NOL10: variants seen among roughly 807,000 people sequenced by gnomAD.
NOL10 encodes H_NH0074G24.1.
NOL10 carries 58 observed loss-of-function variants against 103.5 expected under a neutral mutation model. That is an observed-to-expected ratio of 0.56 (90% confidence interval 0.45 to 0.70). The LOEUF (loss-of-function observed/expected upper bound fraction) is 0.70. NOL10 is among the 30% of genes least tolerant of loss of function. The pLI is 0.00. For missense variants in NOL10, 763 were observed against 807.3 expected (o/e 0.95, Z 0.67); for synonymous variants, 287 against 282.5 (o/e 1.02, Z -0.16).
chr2:10,681,913 C>A, intron 3 of NOL10, 58 bp downstream of exon 3: 2 of 677,380 alleles, frequency 3.0e-6, no homozygotes, highest in South Asian at 4.1e-5. Context: ...AAGACCTTTC[C>A]CATCGCAGCA....
At chr2:10,632,488 G>C (rs1053834405) in intron 13 of NOL10, among the ~76,000 whole-genome samples, 3 of 152,172 alleles carry the variant, frequency 2.0e-5, no homozygotes, top group Non-Finnish European at 2.9e-5. Flanking sequence ...AGTACACCCT[G>C]CAAGATCATC....
At chr2:10,630,897 G>A (rs957180324) in intron 13 of NOL10, among the ~76,000 whole-genome samples, 9 of 152,132 alleles carry the variant, frequency 5.9e-5, no homozygotes, top group African/African-American at 1.4e-4. Context: ...CGACTTTCCC[G>A]TTTACATTCT....
At chr2:10,646,178 A>G (rs1457444862) in intron 12 of NOL10, among the ~76,000 whole-genome samples, 1 of 152,134 alleles carries the variant, frequency 6.6e-6, no homozygotes, top group Non-Finnish European at 1.5e-5. Flanking sequence ...CTAGGTCTCC[A>G]CTAACAACAC....
chr2:10,602,662 T>C (rs1676041740), intron 16 of NOL10, 114 bp downstream of exon 16: 7 of 690,152 alleles, frequency 1.0e-5, no homozygotes, highest in Non-Finnish European at 1.7e-5. Context: ...CAGTAAAAGA[T>C]GCAAATTAAA....
At position 10,587,044 on chromosome 2, in the gene NOL10, T is replaced by TATATATATACAC. The variant is rs1675061775; in HGVS notation, c.1844+1998_1844+1999insGTGTATATATAT. Among the ~76,000 whole-genome samples the TATATATATACAC allele has an allele frequency of 6.9e-5, 4 of 58,264 alleles. 1 individual carries two copies. The highest frequency in any genetic ancestry group is 1.8e-4 in the African/African-American group (3 of 16,798). 38.2% of individuals were successfully genotyped at this position (58,264 alleles called of 152,430 possible). On this transcript the variant is annotated intron_variant, in intron 19 of 20. Coordinates refer to ENST00000381685, the MANE Select transcript of NOL10 (RefSeq NM_024894.4). ...AATAAATAACACAAAAAGTTAAATG[T>TATATATATACAC]ATATATATATACATATATATATACA...
rs1256540086 is a variant in NOL10 at position 10,612,999 on chromosome 2, G to C, written c.1027-5688C>G. Among the ~76,000 whole-genome samples, 5 of 124,196 alleles carry C rather than the reference G, an allele frequency of 4.0e-5. No individual in the cohort carries two copies. The Admixed American group carries it at 4.2e-4, about 10-fold the overall frequency. 81.5% of individuals were successfully genotyped at this position (124,196 alleles called of 152,430 possible). A position where few individuals can be genotyped will look rare whatever the true frequency, so the allele number is the denominator to read the frequency against. ...AGCCTGGGCAACAGAATAAGACCCT[G>C]TTAAAAAAAAAAAAGAGAGAAAGAA... On this transcript the variant is annotated intron_variant, in intron 13 of 20. Transcript: ENST00000381685.
intron 12 of NOL10, 24 bp from the exon 13 acceptor site, chr2:10,644,396 G>C (rs574642212): frequency 9.9e-6 from 15 of 1,510,022 alleles, no homozygotes; most frequent in African/African-American, 7.1e-5. Context: ...CAATGAAAAA[G>C]GTCAATGCAT....
rs375251414 is a variant in NOL10 at position 10,602,781 on chromosome 2, A to T, written c.1327T>A (p.Leu443Ile). ...ATGGTAAGTATAATATTTACCTTTA[A>T]CTGGACTCTCTGTGCACGTGTTTCT... ...IEETRAQRVQLKKLPKVNKEL... is the reference protein window; with the variant it reads ...IEETRAQRVQIKKLPKVNKEL... Residue 443 changes from leucine to isoleucine, a missense_variant, in exon 16 of 21, where the codon TTA becomes ATA. Physicochemically the swap from Leu to Ile is conservative, Grantham distance 5 (BLOSUM62 2). Transcript: ENST00000381685. 1.3e-6 allele frequency: 2 copies of T among 1,580,396 alleles called. No homozygotes were observed. The highest frequency in any genetic ancestry group is 2.7e-5 in the African/African-American group (2 of 74,168).
At chr2:10,580,161 A>AC (rs1198993163) in intron 19 of NOL10, among the ~76,000 whole-genome samples, 5 of 152,232 alleles carry the variant, frequency 3.3e-5, no homozygotes, top group African/African-American at 1.2e-4. Flanking sequence ...CAGCAGTTCC[A>AC]CAGCCTGCTT....
chr2:10,673,741 A>C (rs1681104289), intron 4 of NOL10, among the ~76,000 whole-genome samples, 184 bp from the exon 5 acceptor site: 2 of 152,176 alleles, frequency 1.3e-5, no homozygotes, highest in Non-Finnish European at 2.9e-5. Context: ...AAAAACTTAA[A>C]AGCCTCATAA....
chr2:10,656,626 C>T (rs935503468), intron 11 of NOL10, among the ~76,000 whole-genome samples: 2 of 152,234 alleles, frequency 1.3e-5, no homozygotes, highest in Non-Finnish European at 2.9e-5. Flanking sequence ...ACTCAACAGG[C>T]AGCTGAACTG....
intron 8 of NOL10, among the ~76,000 whole-genome samples, chr2:10,663,493 A>G (rs1680349223): frequency 6.6e-6 from 1 of 152,202 alleles, no homozygotes; most frequent in South Asian, 2.1e-4. Flanking sequence ...TTAGGGAAGA[A>G]ATATCATAAT....
intron 13 of NOL10, among the ~76,000 whole-genome samples, chr2:10,637,505 G>T (rs1265015514): frequency 1.3e-5 from 2 of 152,160 alleles, no homozygotes; most frequent in Non-Finnish European, 2.9e-5. Context: ...CTGAAGCCCT[G>T]AGGAGATACC....
chr2:10,652,986 A>G (rs965713748), intron 12 of NOL10, among the ~76,000 whole-genome samples: 18 of 152,246 alleles, frequency 1.2e-4, no homozygotes, highest in African/African-American at 4.3e-4. Flanking sequence ...ACTTGAGGTC[A>G]GGAGTTTAAG....
At chr2:10,678,476 C>G (rs1681487773) in intron 3 of NOL10, among the ~76,000 whole-genome samples, 8 of 151,196 alleles carry the variant, frequency 5.3e-5, no homozygotes, top group Admixed American at 4.0e-4. Flanking sequence ...ATCTTTCATC[C>G]CCAAGTAACA....
At chr2:10,656,158 T>C (rs1369909936) in intron 11 of NOL10, among the ~76,000 whole-genome samples, 1 of 152,226 alleles carries the variant, frequency 6.6e-6, no homozygotes, top group African/African-American at 2.4e-5. Flanking sequence ...TAACTTCTAC[T>C]TTACCAGTGT....
chr2:10,668,627 T>C (rs2148336530), intron 7 of NOL10, 31 bp downstream of exon 7: 1 of 1,158,770 alleles, frequency 8.6e-7, no homozygotes, highest in Admixed American at 2.5e-5. Context: ...CTGGTCAAAA[T>C]GTATATAGCA....
chr2:10,656,036 GATA>G (rs1389008844), intron 11 of NOL10, among the ~76,000 whole-genome samples: 2 of 152,170 alleles, frequency 1.3e-5, no homozygotes, highest in Non-Finnish European at 2.9e-5. Flanking sequence ...TGTCAAAGGT[GATA>G]ATAATCCACA....
chr2:10,634,948 C>T (rs947349189), intron 13 of NOL10, among the ~76,000 whole-genome samples: 20 of 152,130 alleles, frequency 1.3e-4, no homozygotes, highest in South Asian at 2.1e-4. Flanking sequence ...TGACTGTACA[C>T]GTCTGTCCAG....
Sources: gnomAD v4.1 joint callset for allele counts (sites outside exome capture counted in the v4.1 genomes callset) on GRCh38, gnomAD v4.1.1 for gene constraint, MANE v1.5 for transcripts, NCBI Gene and HGNC (gene_info 2026-07-23, HGNC 2026-07-21) for gene names.